Variants in SLC7A7 observed in about 807,000 individuals in gnomAD.
SLC7A7 encodes solute carrier family 7 member 7.
SLC7A7 carries 39 observed loss-of-function variants against 47.9 expected under a neutral mutation model. The ratio of observed to expected loss-of-function variants is 0.81; its 90% CI spans 0.63 to 1.06. The LOEUF (loss-of-function observed/expected upper bound fraction) is 1.06, where lower values mean the gene tolerates loss of function less well. Ranked by LOEUF, SLC7A7 falls within the 50% of genes least tolerant of loss-of-function variation. The pLI is 0.00. For synonymous variants in SLC7A7, 234 were observed against 242.8 expected, an observed-to-expected ratio of 0.96 and a Z score of 0.34; for missense variants, 588 against 632.0, an observed-to-expected ratio of 0.93 and a Z score of 0.75.
rs771189806 is a variant in SLC7A7 at position 22,774,003 on chromosome 14, G to C, written c.1359C>G (p.Gly453=). 4 of 1,614,176 alleles carry C rather than the reference G, an allele frequency of 2.5e-6. No homozygotes were observed. The Admixed American group carries it at 6.7e-5, about 27-fold the overall frequency. ...SLIGIAIALS[G]LPFYFLIIRV... is the part of the protein sequence containing the mutation. ...TGATGATGAGGAAGTAAAAGGGCAG[G>C]CCTGAGAGGGCAATGGCAATGCCGA... Residue 453 remains glycine, a synonymous_variant, in exon 9 of 10, where the codon GGC becomes GGG. Transcript: ENST00000674313.
upstream of SLC7A7, chr14:22,815,946 A>C: frequency 6.0e-6 from 2 of 331,022 alleles, no homozygotes; most frequent in East Asian, 1.5e-4. Context: ...GGGTGTTCTA[A>C]GAGAACTCTG....
chr14:22,806,368 T>C (rs1251155693), intron 2 of SLC7A7, among the ~76,000 whole-genome samples: 1 of 151,428 alleles, frequency 6.6e-6, no homozygotes, highest in African/African-American at 2.4e-5. Flanking sequence ...GCTAATTTTT[T>C]TGTGTTTTAG....
intron 4 of SLC7A7, among the ~76,000 whole-genome samples, chr14:22,776,980 C>A (rs1259216071): frequency 1.2e-4 from 17 of 139,836 alleles, no homozygotes; most frequent in South Asian, 2.3e-4. Context: ...AAAAACAAAC[C>A]AAAAAAAAAA....
chr14:22,775,294 A>T, intron 7 of SLC7A7, 150 bp downstream of exon 7: 1 of 753,810 alleles, frequency 1.3e-6, no homozygotes, highest in Non-Finnish European at 2.4e-6. Context: ...CGGTTAGCAT[A>T]GTGCCTTGCC....
At chr14:22,797,060 T>G (rs1434683945) in intron 2 of SLC7A7, among the ~76,000 whole-genome samples, 3 of 152,230 alleles carry the variant, frequency 2.0e-5, no homozygotes, top group Admixed American at 2.0e-4. Context: ...TACACCTATC[T>G]TCTAATTTAA....
Position 22,781,116 on chromosome 14 carries a change from T to C in SLC7A7, c.500-1065A>G, listed in dbSNP as rs180956394. Among the ~76,000 whole-genome samples, 23 of 152,174 alleles carry C rather than the reference T, an allele frequency of 1.5e-4. 1 individual carries two copies. Among genetic ancestry groups the C allele is most frequent in the Admixed American group, 1.4e-3 (22 of 15,284 alleles). Reference sequence around the variant, plus strand: ...CAACTGGAACACTATAAGGAGGGCTTAACTTTAAAGCCCTTCTCCCAAGGG... The same window carrying C: ...CAACTGGAACACTATAAGGAGGGCTCAACTTTAAAGCCCTTCTCCCAAGGG... On this transcript the variant is annotated intron_variant, in intron 2 of 9. Coordinates refer to ENST00000674313, the MANE Select transcript of SLC7A7 (RefSeq NM_003982.4).
chr14:22,773,935 A>G lies in SLC7A7; in HGVS notation c.1427T>C (p.Val476Ala). ...HKRPLYLRRI[V>A]GSATRYLQVL... ...GGACTTAAGGATGCACGGCTTACCC[A>G]CGATCCTTCGGAGGTAAAGCGGTCG... The change falls in exon 9 of 10, where the codon GTG (valine) becomes GCG (alanine). Residue 476 changes from valine to alanine, a missense_variant and splice_region_variant. Transcript: ENST00000674313. 1 of 1,614,046 alleles carries G rather than the reference A, an allele frequency of 6.2e-7. No individual in the cohort carries two copies. Among genetic ancestry groups the G allele is most frequent in the South Asian group, 1.1e-5 (1 of 91,072 alleles).
At chr14:22,787,761 A>G (rs1354921406) in intron 2 of SLC7A7, among the ~76,000 whole-genome samples, 1 of 150,366 alleles carries the variant, frequency 6.7e-6, no homozygotes, top group Non-Finnish European at 1.5e-5. Flanking sequence ...GTCTCAAAAA[A>G]AATTTTTTTA....
At chr14:22,812,524 T>C (rs1209787906) in intron 2 of SLC7A7, among the ~76,000 whole-genome samples, 1 of 151,142 alleles carries the variant, frequency 6.6e-6, no homozygotes, top group Non-Finnish European at 1.5e-5. Context: ...TGGTCCCTGC[T>C]ACTCAGGAGG....
intron 2 of SLC7A7, among the ~76,000 whole-genome samples, chr14:22,788,916 AG>A (rs2038874557): frequency 6.6e-6 from 1 of 152,120 alleles, no homozygotes; most frequent in Non-Finnish European, 1.5e-5. Flanking sequence ...GAGCATAAGA[AG>A]GGCTCAAGGG....
intron 4 of SLC7A7, among the ~76,000 whole-genome samples, chr14:22,777,291 A>G (rs2038632463): frequency 6.6e-6 from 1 of 152,154 alleles, no homozygotes; most frequent in African/African-American, 2.4e-5. Flanking sequence ...GATTATCAAC[A>G]TTGGCAATTT....
At chr14:22,774,674 A>ATAAG (rs1337590374) in intron 7 of SLC7A7, among the ~76,000 whole-genome samples, 171 bp from the exon 8 acceptor site, 2 of 152,130 alleles carry the variant, frequency 1.3e-5, no homozygotes, top group Non-Finnish European at 1.5e-5. Context: ...CCCCTCTCTT[A>ATAAG]TAAGTCAGTA....
rs1287861212 is a variant in SLC7A7, at chr14:22,775,471, G to A, written c.1068C>T (p.Phe356=). 6.2e-7 allele frequency: 1 copy of A among 1,614,014 alleles called. No individual in the cohort carries two copies. Among genetic ancestry groups the A allele is most frequent in the East Asian group, 2.2e-5 (1 of 44,896 alleles). ...TGAAGAGCAGAGAAGGCACTGGTGT[G>A]AACCGCTCAACATGGATCATGCAGA... ...DAICMIHVER[F]TPVPSLLFNG... is the part of the protein sequence containing the mutation. The change falls in exon 7 of 10, where the codon TTC becomes TTT. Residue 356 remains phenylalanine (F), a synonymous_variant. Coordinates refer to ENST00000674313, the MANE Select transcript of SLC7A7 (RefSeq NM_003982.4).
chr14:22,788,895 G>A (rs771854694), intron 2 of SLC7A7, among the ~76,000 whole-genome samples: 5 of 152,074 alleles, frequency 3.3e-5, no homozygotes, highest in African/African-American at 4.8e-5. Flanking sequence ...TGGAGAGGCA[G>A]GGACTGGGAA....
chr14:22,779,960 C>A lies in SLC7A7; in HGVS notation c.591G>T (p.Ala197=), dbSNP rs750720946. The change falls in exon 3 of 10, where the codon GCG becomes GCT. Residue 197 remains alanine, a synonymous_variant. Coordinates refer to ENST00000674313, the MANE Select transcript of SLC7A7 (RefSeq NM_003982.4). The stretch of plus-strand genomic sequence containing the variant: ...GTCTAACAATGCCTGCAACGATGAC[C>A]GCGATCAGTGCCAATACTTTAGCAT... The part of the protein sequence containing the change: ...FTYAKVLALI[A]VIVAGIVRLG... The A allele has an allele frequency of 1.1e-5, 17 of 1,613,988 alleles. No homozygotes were observed. The highest frequency in any genetic ancestry group is 6.7e-5 in the Admixed American group (4 of 59,990).
chr14:22,789,247 T>C (rs2038879729), intron 2 of SLC7A7, among the ~76,000 whole-genome samples: 2 of 152,194 alleles, frequency 1.3e-5, no homozygotes, highest in Non-Finnish European at 2.9e-5. Context: ...GGTAGACTAA[T>C]GGCCCCCCAA....
At chr14:22,776,693 C>T (rs188549256) in intron 4 of SLC7A7, among the ~76,000 whole-genome samples, 229 of 151,730 alleles carry the variant, frequency 1.5e-3, no homozygotes, top group Non-Finnish European at 1.9e-3. Flanking sequence ...AGCAGCTGGG[C>T]GTGGTGGCTC....
At chr14:22,811,107 C>T (rs1397880184) in intron 2 of SLC7A7, among the ~76,000 whole-genome samples, 3 of 152,108 alleles carry the variant, frequency 2.0e-5, no homozygotes, top group African/African-American at 7.2e-5. Context: ...GACACAAGGA[C>T]ACACAAAACA....
chr14:22,811,275 G>C (rs778810974), intron 2 of SLC7A7, among the ~76,000 whole-genome samples: 1 of 152,182 alleles, frequency 6.6e-6, no homozygotes, highest in Non-Finnish European at 1.5e-5. Flanking sequence ...ATTGCACCTG[G>C]TGCAAAATTC....
Sources: gnomAD v4.1 joint callset for allele counts (sites outside exome capture counted in the v4.1 genomes callset) on GRCh38, gnomAD v4.1.1 for gene constraint, MANE v1.5 for transcripts, NCBI Gene and HGNC (gene_info 2026-07-23, HGNC 2026-07-21) for gene names.